FBXL20: variants seen among roughly 807,000 people sequenced by gnomAD.
The protein encoded by FBXL20 is F-box and leucine rich repeat protein 20, also known as F-box/LRR-repeat protein 20.
Under a neutral mutation model 64.0 loss-of-function variants are expected in FBXL20, and 11 were observed. The observed-to-expected ratio is 0.17, with a 90% CI of 0.11 to 0.28. The LOEUF is 0.28. Among genes scored for constraint, FBXL20 ranks in the 10% least tolerant of loss-of-function variants. The pLI is 1.00. For missense variants in FBXL20, 303 were observed against 526.2 expected (o/e 0.58, Z 4.15); for synonymous variants, 184 against 189.0 (o/e 0.97, Z 0.22).
chr17:39,400,201 C>T (rs919785797), intron 1 of FBXL20, among the ~76,000 whole-genome samples: 2 of 152,188 alleles, frequency 1.3e-5, no homozygotes, highest in Non-Finnish European at 2.9e-5. Context: ...AACACTGAAG[C>T]TCTGAACTTA....
At chr17:39,262,216 G>A (rs774784998) in intron 14 of FBXL20, among the ~76,000 whole-genome samples, 1 of 152,130 alleles carries the variant, frequency 6.6e-6, no homozygotes, top group Non-Finnish European at 1.5e-5. Flanking sequence ...AGGCCAACTC[G>A]AACTCAAGAT....
intron 1 of FBXL20, among the ~76,000 whole-genome samples, chr17:39,396,421 C>A (rs1386712049): frequency 6.6e-6 from 1 of 151,592 alleles, no homozygotes; most frequent in African/African-American, 2.4e-5. Flanking sequence ...TATGGCAAAA[C>A]CCCATCTCTA....
intron 1 of FBXL20, among the ~76,000 whole-genome samples, chr17:39,362,706 T>A (rs1378446981): frequency 1.4e-5 from 2 of 142,820 alleles, no homozygotes; most frequent in African/African-American, 5.3e-5. Context: ...GCAACCTTCA[T>A]CTCGGGTTCA....
At chr17:39,395,084 G>A (rs2048169935) in intron 1 of FBXL20, among the ~76,000 whole-genome samples, 1 of 152,108 alleles carries the variant, frequency 6.6e-6, no homozygotes. Context: ...AACACTAACA[G>A]TTAAAAACTA....
At chr17:39,400,085 C>T (rs956857914) in intron 1 of FBXL20, among the ~76,000 whole-genome samples, 2 of 152,162 alleles carry the variant, frequency 1.3e-5, no homozygotes, top group African/African-American at 4.8e-5. Flanking sequence ...TCCTATTAAA[C>T]ACCAAATAAT....
intron 2 of FBXL20, among the ~76,000 whole-genome samples, chr17:39,318,201 G>A (rs1004681892): frequency 1.3e-5 from 2 of 152,114 alleles, no homozygotes; most frequent in Non-Finnish European, 2.9e-5. Flanking sequence ...TGTGTTCGTT[G>A]GAGTTAAGAA....
rs1216773548 is a variant in FBXL20, at chr17:39,260,726, C to G, written c.*734G>C. 1.3e-5 allele frequency: 2 copies of G among 152,724 alleles called. No individual in the cohort carries two copies. Among genetic ancestry groups the G allele is most frequent in the Admixed American group, 6.5e-5 (1 of 15,280 alleles). The allele number at this position is 152,724 out of a possible 1,614,324, so 9.5% of individuals were successfully genotyped here. A position where few individuals can be genotyped will look rare whatever the true frequency, so the allele number is the denominator to read the frequency against. ...CAATTGAGTGAGTAAGCAGACTGAA[C>G]AGGTGACAGACTGAGCAAGAGTGTG... On this transcript the variant is annotated 3_prime_UTR_variant, in exon 15 of 15. Transcript: ENST00000264658.
intron 6 of FBXL20, among the ~76,000 whole-genome samples, chr17:39,291,364 G>A (rs1050799003): frequency 6.6e-6 from 1 of 151,620 alleles, no homozygotes; most frequent in Non-Finnish European, 1.5e-5. Flanking sequence ...TAGGGAGGGA[G>A]GGAGGAGAGA....
chr17:39,282,907 A>T (rs778407515), intron 7 of FBXL20, 52 bp from the exon 8 acceptor site: 2 of 1,600,574 alleles, frequency 1.2e-6, no homozygotes, highest in African/African-American at 2.7e-5. Flanking sequence ...AATTCCAAAA[A>T]CACCAACGTC....
chr17:39,299,460 T>C (rs1452135772), intron 4 of FBXL20, among the ~76,000 whole-genome samples: 1 of 152,196 alleles, frequency 6.6e-6, no homozygotes, highest in Non-Finnish European at 1.5e-5. Context: ...ACTCTGCTTA[T>C]AGTAGAGACT....
intron 2 of FBXL20, among the ~76,000 whole-genome samples, chr17:39,317,724 C>T (rs1295786090): frequency 1.0e-5 from 1 of 100,446 alleles, no homozygotes; most frequent in Admixed American, 1.4e-4. Flanking sequence ...TTTTTTGAGA[C>T]GGAGTCTCAC....
chr17:39,333,951 G>A (rs181946820), intron 2 of FBXL20, among the ~76,000 whole-genome samples: 3,452 of 149,550 alleles, frequency 0.023, 64 homozygotes, highest in Middle Eastern at 0.08. Context: ...CTGCCCAGCC[G>A]CCACCCCGTC....
chr17:39,333,092 A>T (rs575106602), intron 2 of FBXL20, among the ~76,000 whole-genome samples: 7 of 152,022 alleles, frequency 4.6e-5, no homozygotes, highest in Admixed American at 2.0e-4. Context: ...CCTGAGTCAC[A>T]CCTGGCTCTC....
intron 1 of FBXL20, among the ~76,000 whole-genome samples, chr17:39,363,845 A>C (rs1436391766): frequency 6.9e-6 from 1 of 145,086 alleles, no homozygotes; most frequent in Non-Finnish European, 1.5e-5. Context: ...AAAAAAAAAA[A>C]CAATAAAAAG....
At chr17:39,363,814 A>AAAAAAAAAACAAC (rs1567896948) in intron 1 of FBXL20, among the ~76,000 whole-genome samples, 1 of 134,662 alleles carries the variant, frequency 7.4e-6, no homozygotes, top group African/African-American at 3.1e-5. Flanking sequence ...TTATCTCAAA[A>AAAAAAAAAACAAC]AAAAAAAAAA....
At chr17:39,329,471 GATATAA>G (rs2047440115) in intron 2 of FBXL20, among the ~76,000 whole-genome samples, 1 of 152,002 alleles carries the variant, frequency 6.6e-6, no homozygotes. Context: ...TACTATAAAG[GATATAA>G]ATGAAAAAAT....
chr17:39,373,476 C>A (rs1216040699), intron 1 of FBXL20, among the ~76,000 whole-genome samples: 1 of 152,166 alleles, frequency 6.6e-6, no homozygotes, highest in African/African-American at 2.4e-5. Flanking sequence ...CAATTTGGCT[C>A]ACATACTGAA....
intron 2 of FBXL20, among the ~76,000 whole-genome samples, chr17:39,315,883 C>T (rs1019180470): frequency 2.2e-4 from 29 of 130,258 alleles, no homozygotes; most frequent in African/African-American, 7.1e-4. Flanking sequence ...AACTGTAGAG[C>T]GAAATTGGTT....
chr17:39,302,374 C>CTT lies in FBXL20; in HGVS notation c.159+1209_159+1210dup, dbSNP rs35716617. ...CACAGGCATGCACCACCGCATTTGG[C>CTT]TTTTTTTTTTTTTTTTTGAGACGGA... is the stretch of plus-strand genomic sequence containing the variant. On this transcript the variant is annotated intron_variant, in intron 3 of 14. Transcript: ENST00000264658. 2.4e-3 allele frequency among the ~76,000 whole-genome samples: 307 copies of CTT among 129,934 alleles called. 3 individuals carry two copies. In the East Asian group the frequency reaches 0.024, roughly 10 times the overall value. 85.2% of individuals were successfully genotyped at this position (129,934 alleles called of 152,430 possible).
Sources: allele counts gnomAD v4.1 joint callset (sites outside exome capture counted in the v4.1 genomes callset), GRCh38; gene constraint gnomAD v4.1.1; transcripts MANE v1.5; gene names NCBI Gene and HGNC (gene_info 2026-07-23, HGNC 2026-07-21).